The following HTT variants were observed in gnomAD, a reference collection of about 807,000 sequenced individuals.
The protein encoded by HTT is huntingtin.
HTT carries 104 observed loss-of-function variants against 362.3 expected under a neutral mutation model. The ratio of observed to expected loss-of-function variants is 0.29; its 90% CI spans 0.24 to 0.34. The LOEUF (loss-of-function observed/expected upper bound fraction) is 0.34, where lower values mean the gene tolerates loss of function less well. Ranked by LOEUF, HTT falls within the 10% of genes least tolerant of loss-of-function variation. The pLI, the probability that HTT is intolerant of heterozygous loss-of-function variation, is 1.00. For synonymous variants in HTT, 1,577 were observed against 1,548.7 expected (o/e 1.02, Z -0.43); for missense variants, 3,301 against 3,928.6 (o/e 0.84, Z 4.27).
At chr4:3,201,529 CAAAAA>C (rs925357780) in intron 41 of HTT, among the ~76,000 whole-genome samples, 58 of 61,690 alleles carry the variant, frequency 9.4e-4, no homozygotes, top group Middle Eastern at 6.7e-3. Flanking sequence ...GACTCCATCT[CAAAAA>C]AAAAAAAAAA....
chr4:3,138,180 CGCCTGCCTGCCT>C (rs57466122), intron 21 of HTT, among the ~76,000 whole-genome samples: 1 of 126,040 alleles, frequency 7.9e-6, no homozygotes, highest in Non-Finnish European at 1.7e-5. Context: ...TTCCCCTTCC[CGCCTGCCTGCCT>C]GCCTGCCTTC....
chr4:3,162,957 A>G lies in HTT; in HGVS notation c.3864+2565A>G, dbSNP rs147559186. On this transcript the variant is annotated intron_variant, in intron 29 of 66. Coordinates refer to ENST00000355072, the MANE Select transcript of HTT (RefSeq NM_001388492.1). ...GATTGCGCTGGCCAGAACTTCCAAT[A>G]CTATGTTGAATAGGAGTGGTGAGAG... Among the ~76,000 whole-genome samples, 243 of 152,292 alleles carry G rather than the reference A, an allele frequency of 1.6e-3. 2 individuals are homozygous for G. Among genetic ancestry groups the G allele is most frequent in the Admixed American group, 2.9e-3 (45 of 15,290 alleles).
chr4:3,087,941 C>T (rs1713300619), intron 2 of HTT, among the ~76,000 whole-genome samples: 1 of 151,976 alleles, frequency 6.6e-6, no homozygotes, highest in South Asian at 2.1e-4. Flanking sequence ...ACCTCTGCCT[C>T]CTGGGTTCAA....
At position 3,225,663 on chromosome 4, in the gene HTT, G is replaced by A; in HGVS notation, c.7768G>A (p.Ala2590Thr). Reference sequence around the variant, plus strand: ...ACTCAGGGTGCTGGTGTTCACAGGTGCCCTCATCAGCCACGAGAAGCTGCT... The same window carrying A: ...ACTCAGGGTGCTGGTGTTCACAGGTACCCTCATCAGCCACGAGAAGCTGCT... ...VPSLSPATTG[A>T]LISHEKLLLQ... The change falls in exon 57 of 67, where the codon GCC becomes ACC. Residue 2590 changes from alanine (A) to threonine (T), a missense_variant and splice_region_variant. By Grantham distance (58) the Ala-to-Thr change is moderately conservative. Around this residue, in one of 4 missense-constraint regions of HTT, gnomAD observed 753 missense variants for 1,021.3 expected, o/e 0.74. Transcript: ENST00000355072. 1 of 1,613,862 alleles carries A rather than the reference G, an allele frequency of 6.2e-7. No homozygotes were observed.
chr4:3,090,552 T>C (rs1020211150), intron 2 of HTT, among the ~76,000 whole-genome samples: 5 of 152,174 alleles, frequency 3.3e-5, no homozygotes, highest in African/African-American at 4.8e-5. Context: ...CTAGAAAATA[T>C]AACGTTTAAA....
chr4:3,162,400 A>G (rs1174830585), intron 29 of HTT, among the ~76,000 whole-genome samples: 1 of 152,216 alleles, frequency 6.6e-6, no homozygotes, highest in African/African-American at 2.4e-5. Flanking sequence ...TGTCTTGGCT[A>G]TGCAGGCTCT....
At chr4:3,130,539 C>A in intron 14 of HTT, 116 bp downstream of exon 14, 1 of 605,124 alleles carries the variant, frequency 1.7e-6, no homozygotes, top group Non-Finnish European at 3.0e-6. Flanking sequence ...TAAATTTCCC[C>A]TTTAAATACC....
chr4:3,115,466 T>A, intron 7 of HTT, 21 bp downstream of exon 7: 1 of 1,582,992 alleles, frequency 6.3e-7, no homozygotes, highest in Non-Finnish European at 8.7e-7. Context: ...GGCATATGAG[T>A]GGAAGAGTCT....
chr4:3,132,963 A>G (rs559801544), intron 18 of HTT, 52 bp downstream of exon 18: 5 of 1,287,048 alleles, frequency 3.9e-6, no homozygotes, highest in South Asian at 2.4e-5. Flanking sequence ...ACATTTTATC[A>G]TTGCTACAAT....
At chr4:3,152,377 C>T (rs1379086734) in intron 26 of HTT, among the ~76,000 whole-genome samples, 2 of 152,128 alleles carry the variant, frequency 1.3e-5, no homozygotes, top group East Asian at 3.9e-4. Context: ...GGATTACAGG[C>T]GTGAGCTACC....
chr4:3,241,096 G>T lies in HTT; in HGVS notation c.*1037G>T, dbSNP rs558576044. 11 of 151,894 alleles carry T rather than the reference G, an allele frequency of 7.2e-5. No homozygotes were observed. The highest frequency in any genetic ancestry group is 2.2e-4 in the African/African-American group (9 of 40,892). 9.4% of individuals were successfully genotyped at this position (151,894 alleles called of 1,614,324 possible). Reference sequence around the variant, plus strand: ...TGTTCCTTGCTAGCCCTGGGGTGGCGTCTGCCTAGGAGCTGGCTGGCAGGT... The same window carrying T: ...TGTTCCTTGCTAGCCCTGGGGTGGCTTCTGCCTAGGAGCTGGCTGGCAGGT... On this transcript the variant is annotated 3_prime_UTR_variant, in exon 67 of 67. Coordinates refer to ENST00000355072, the MANE Select transcript of HTT (RefSeq NM_001388492.1).
At chr4:3,124,023 A>C (rs1715411246) in intron 10 of HTT, among the ~76,000 whole-genome samples, 1 of 152,212 alleles carries the variant, frequency 6.6e-6, no homozygotes, top group African/African-American at 2.4e-5. Flanking sequence ...TCTTAACAGG[A>C]ATAGCATTCT....
At position 3,240,046 on chromosome 4, in the gene HTT, T is replaced by A. The variant is rs1276350351; in HGVS notation, c.9416T>A (p.Val3139Asp). Residue 3139 changes from valine (V) to aspartate (D), a missense_variant, in exon 67 of 67, where the codon GTC becomes GAC. Physicochemically the swap from Val to Asp is radical, Grantham distance 152. Transcript: ENST00000355072. ...LLTCLRNVHK[V>D]TTC ...ACTTGTTTACGAAATGTCCACAAGG[T>A]CACCACCTGCTGAGCGCCATGGTGG... 6.3e-7 allele frequency: 1 copy of A among 1,589,376 alleles called. No homozygotes were observed. Among genetic ancestry groups the A allele is most frequent in the Non-Finnish European group, 8.6e-7 (1 of 1,166,890 alleles).
chr4:3,152,345 G>C (rs527405776), intron 26 of HTT, among the ~76,000 whole-genome samples: 1 of 152,122 alleles, frequency 6.6e-6, no homozygotes, highest in Non-Finnish European at 1.5e-5. Flanking sequence ...TGATTAGCCC[G>C]CCTCGGCCTC....
rs1346212521 is a variant in HTT at position 3,142,787 on chromosome 4, A to C, written c.2967A>C (p.Leu989=). Residue 989 remains leucine (L), a synonymous_variant, in exon 23 of 67, where the codon CTA becomes CTC. Coordinates refer to ENST00000355072, the MANE Select transcript of HTT (RefSeq NM_001388492.1). ...TTAGAATATATAGAGGCTATAACCT[A>C]CTACCAAGCATAACAGACGTCACTA... The part of the protein sequence containing the change: ...TITRIYRGYN[L]LPSITDVTME... 4 of 1,537,898 alleles carry C rather than the reference A, an allele frequency of 2.6e-6. No homozygotes were observed. The African/African-American group carries it at 5.5e-5, about 21-fold the overall frequency.
chr4:3,170,077 TG>T (rs1158390282), intron 29 of HTT, among the ~76,000 whole-genome samples: 2 of 152,352 alleles, frequency 1.3e-5, no homozygotes, highest in African/African-American at 4.8e-5. Flanking sequence ...CTCCTCGTTT[TG>T]GGTTGTATTT....
intron 36 of HTT, among the ~76,000 whole-genome samples, chr4:3,181,569 T>C (rs950773434): frequency 7.2e-5 from 11 of 152,176 alleles, no homozygotes; most frequent in African/African-American, 9.7e-5. Context: ...TTTTGTCAAT[T>C]CTTTTTAGCT....
chr4:3,214,112 G>A lies in HTT; in HGVS notation c.6929G>A (p.Cys2310Tyr). The part of the protein sequence containing the change: ...FVTHACSLIY[C>Y]VHFILEAVAV... ...ACCCACGCCTGCTCCCTCATCTACT[G>A]TGTGCACTTCATCCTGGAGGCCGGT... The change falls in exon 50 of 67, where the codon TGT becomes TAT. Residue 2310 changes from cysteine to tyrosine, a missense_variant. Cys to Tyr is a radical substitution (Grantham distance 194). Around this residue, in one of 4 missense-constraint regions of HTT, gnomAD observed 220 missense variants for 218.5 expected, o/e 1.01. Transcript: ENST00000355072. 1 of 1,548,712 alleles carries A rather than the reference G, an allele frequency of 6.5e-7. No individual in the cohort carries two copies. Among genetic ancestry groups the A allele is most frequent in the Non-Finnish European group, 8.8e-7 (1 of 1,139,744 alleles).
At chr4:3,229,509 AC>A (rs1486497104) in intron 59 of HTT, among the ~76,000 whole-genome samples, 6 of 143,174 alleles carry the variant, frequency 4.2e-5, no homozygotes, top group Non-Finnish European at 7.6e-5. Flanking sequence ...ACGTGCACAC[AC>A]CCCACACACA....
Sources: gnomAD v4.1 joint callset for allele counts (sites outside exome capture counted in the v4.1 genomes callset) on GRCh38, gnomAD v4.1.1 for gene constraint, gnomAD v4.1.1 regional missense constraint, MANE v1.5 for transcripts, NCBI Gene and HGNC (gene_info 2026-07-23, HGNC 2026-07-21) for gene names.